Variants in MAGI2 observed in about 807,000 individuals in gnomAD.
MAGI2 encodes the protein membrane associated guanylate kinase, WW and PDZ domain containing 2.
Under a neutral mutation model 133.3 loss-of-function variants are expected in MAGI2, and 35 were observed. The ratio of observed to expected loss-of-function variants is 0.26; its 90% CI spans 0.20 to 0.35. The LOEUF (loss-of-function observed/expected upper bound fraction) is 0.35. MAGI2 is among the 10% of genes least tolerant of loss of function. MAGI2 has a pLI of 1.00. For missense variants in MAGI2, 1,636 were observed against 1,863.4 expected, an observed-to-expected ratio of 0.88 and a Z score of 2.25; for synonymous variants, 729 against 710.6, an observed-to-expected ratio of 1.03 and a Z score of -0.41.
chr7:79,255,012 T>C (rs1357504371), intron 1 of MAGI2, among the ~76,000 whole-genome samples: 1 of 152,212 alleles, frequency 6.6e-6, no homozygotes, highest in East Asian at 1.9e-4. Context: ...TATTAAGAAA[T>C]ACATTCCCAT....
intron 10 of MAGI2, among the ~76,000 whole-genome samples, chr7:78,245,536 A>T (rs1031442814): frequency 4.6e-5 from 7 of 152,210 alleles, no homozygotes; most frequent in Non-Finnish European, 8.8e-5. Flanking sequence ...GCACTAGTGC[A>T]CATCAAAGGA....
intron 2 of MAGI2, among the ~76,000 whole-genome samples, chr7:78,639,485 CTTGAG>C (rs1810046097): frequency 6.6e-6 from 1 of 152,236 alleles, no homozygotes; most frequent in African/African-American, 2.4e-5. Context: ...TGCTTTAAAT[CTTGAG>C]TTGAAGAATA....
intron 3 of MAGI2, among the ~76,000 whole-genome samples, chr7:78,599,758 T>C (rs1487367425): frequency 6.6e-6 from 1 of 152,170 alleles, no homozygotes; most frequent in Non-Finnish European, 1.5e-5. Context: ...ATTTGGTATC[T>C]TGAGTCCTTC....
At chr7:78,475,761 C>T (rs986914115) in intron 6 of MAGI2, among the ~76,000 whole-genome samples, 4 of 151,544 alleles carry the variant, frequency 2.6e-5, no homozygotes, top group African/African-American at 9.7e-5. Flanking sequence ...GGATTGGGAA[C>T]AATAACATAG....
At chr7:79,136,003 G>GAAAGAAAGAAAGAGAAAGAA (rs749343638) in intron 1 of MAGI2, among the ~76,000 whole-genome samples, 38 of 40,860 alleles carry the variant, frequency 9.3e-4, no homozygotes, top group African/African-American at 1.6e-3. Flanking sequence ...AAGAAAGAAA[G>GAAAGAAAGAAAGAGAAAGAA]AGAAAGAAAG....
intron 2 of MAGI2, among the ~76,000 whole-genome samples, chr7:78,747,340 G>A (rs575785848): frequency 3.4e-4 from 51 of 152,124 alleles, no homozygotes; most frequent in East Asian, 1.5e-3. Context: ...TAAACCAGTG[G>A]AAAGAGTCAT....
At chr7:78,627,047 T>C (rs748873130) in intron 3 of MAGI2, 73 bp downstream of exon 3, 17 of 1,447,412 alleles carry the variant, frequency 1.2e-5, no homozygotes, top group Non-Finnish European at 1.4e-5. Flanking sequence ...TAACCTGGTG[T>C]CCCCGTGCAT....
intron 2 of MAGI2, among the ~76,000 whole-genome samples, chr7:79,003,183 T>G (rs546787351): frequency 6.6e-6 from 1 of 152,112 alleles, no homozygotes; most frequent in East Asian, 1.9e-4. Context: ...TATATGTATA[T>G]GTGTGTATGT....
At chr7:78,916,672 A>G (rs184587386) in intron 2 of MAGI2, among the ~76,000 whole-genome samples, 5 of 152,226 alleles carry the variant, frequency 3.3e-5, no homozygotes, top group Admixed American at 3.3e-4. Context: ...GTCAAATGGA[A>G]AGAAATAAAC....
intron 7 of MAGI2, among the ~76,000 whole-genome samples, chr7:78,354,988 A>C (rs867978391): frequency 6.6e-6 from 1 of 152,300 alleles, no homozygotes; most frequent in Middle Eastern, 3.4e-3. Context: ...AGCCCCAAGA[A>C]CAGAGAAAGG....
intron 1 of MAGI2, among the ~76,000 whole-genome samples, chr7:79,289,963 G>A (rs1478838178): frequency 2.0e-5 from 3 of 151,904 alleles, no homozygotes; most frequent in African/African-American, 7.3e-5. Flanking sequence ...AATATTGGGT[G>A]GGATTCCAGC....
intron 2 of MAGI2, among the ~76,000 whole-genome samples, chr7:78,975,989 A>C (rs1804210813): frequency 6.6e-6 from 1 of 151,714 alleles, no homozygotes; most frequent in Non-Finnish European, 1.5e-5. Context: ...CAACTTGAGT[A>C]GATCCATATT....
chr7:78,877,705 A>G (rs1277821181), intron 2 of MAGI2, among the ~76,000 whole-genome samples: 2 of 152,200 alleles, frequency 1.3e-5, no homozygotes, highest in Non-Finnish European at 2.9e-5. Context: ...AAAATTAAAA[A>G]GTTTTAAAAT....
intron 7 of MAGI2, among the ~76,000 whole-genome samples, chr7:78,362,648 T>G (rs1399043299): frequency 6.6e-6 from 1 of 152,188 alleles, no homozygotes; most frequent in Non-Finnish European, 1.5e-5. Flanking sequence ...AAACCAGTCA[T>G]AAGTTAAGGT....
At chr7:78,135,564 C>T (rs986816654) in intron 16 of MAGI2, among the ~76,000 whole-genome samples, 1 of 152,112 alleles carries the variant, frequency 6.6e-6, no homozygotes, top group Non-Finnish European at 1.5e-5. Context: ...CTAAGAAGCT[C>T]CTAGGGAGAT....
intron 2 of MAGI2, among the ~76,000 whole-genome samples, chr7:78,675,251 T>TTGC (rs1814884063): frequency 2.3e-5 from 1 of 43,974 alleles, no homozygotes; most frequent in Non-Finnish European, 7.0e-5. Flanking sequence ...TGGGTTGCTG[T>TTGC]TGTTGTTGTT....
At chr7:79,081,425 C>T (rs115137593) in intron 1 of MAGI2, among the ~76,000 whole-genome samples, 9 of 152,194 alleles carry the variant, frequency 5.9e-5, no homozygotes, top group African/African-American at 2.2e-4. Context: ...AGTGTATGCT[C>T]CATAAAGCAA....
chr7:79,260,882 C>T (rs527813949), intron 1 of MAGI2, among the ~76,000 whole-genome samples: 4 of 152,226 alleles, frequency 2.6e-5, no homozygotes, highest in African/African-American at 4.8e-5. Flanking sequence ...CAAGCATTTC[C>T]GATAAGAAAT....
intron 6 of MAGI2, among the ~76,000 whole-genome samples, chr7:78,400,682 T>C (rs1796777664): frequency 6.6e-6 from 1 of 152,336 alleles, no homozygotes; most frequent in South Asian, 2.1e-4. Context: ...AAATTTAGCC[T>C]ACTAATGACA....
Sources: allele counts gnomAD v4.1 joint callset (sites outside exome capture counted in the v4.1 genomes callset), GRCh38; gene constraint gnomAD v4.1.1; transcripts MANE v1.5; gene names NCBI Gene and HGNC (gene_info 2026-07-23, HGNC 2026-07-21).